The following UPP1 variants were observed in gnomAD, a reference collection of about 807,000 sequenced individuals.
UPP1 encodes uridine phosphorylase 1.
Under a neutral mutation model 29.6 loss-of-function variants are expected in UPP1, and 25 were observed. The ratio of observed to expected loss-of-function variants is 0.85; its 90% CI spans 0.62 to 1.18. UPP1 has a LOEUF of 1.18. UPP1 is among the 50% of genes most tolerant of loss of function. UPP1 has a pLI of 0.00. For synonymous variants in UPP1, 165 were observed against 159.8 expected, an observed-to-expected ratio of 1.03 and a Z score of -0.25; for missense variants, 368 against 410.4, an observed-to-expected ratio of 0.90 and a Z score of 0.89.
At chr7:48,101,167 A>G (rs2128813240) in intron 4 of UPP1, among the ~76,000 whole-genome samples, 1 of 152,332 alleles carries the variant, frequency 6.6e-6, no homozygotes, top group Non-Finnish European at 1.5e-5. Context: ...CCACTCCCAA[A>G]GTGCTGGGAT....
intron 4 of UPP1, among the ~76,000 whole-genome samples, chr7:48,101,197 G>GCC (rs1374489280): frequency 2.0e-5 from 3 of 152,094 alleles, no homozygotes; most frequent in African/African-American, 7.2e-5. Context: ...GAGCCACTGT[G>GCC]CCCAGCCATC....
chr7:48,108,453 A>G lies in UPP1; in HGVS notation c.*96A>G. On this transcript the variant is annotated 3_prime_UTR_variant, in exon 9 of 9. Coordinates refer to ENST00000395564, the MANE Select transcript of UPP1 (RefSeq NM_003364.4). ...TGTGTGGACTTTGAGCACACTTTAC[A>G]CAAGAATCTAGAAAATCAGATCGCG... 2.2e-6 allele frequency: 3 copies of G among 1,390,892 alleles called. No homozygotes were observed. The highest frequency in any genetic ancestry group is 2.9e-6 in the Non-Finnish European group (3 of 1,036,824). The allele number at this position is 1,390,892 out of a possible 1,614,324, so 86.2% of individuals were successfully genotyped here. A position where few individuals can be genotyped will look rare whatever the true frequency, so the allele number is the denominator to read the frequency against.
chr7:48,091,321 C>G (rs1791821287), intron 2 of UPP1, among the ~76,000 whole-genome samples: 1 of 143,966 alleles, frequency 6.9e-6, no homozygotes, highest in African/African-American at 2.6e-5. Flanking sequence ...ATGGATCTGG[C>G]TGGTAATAGG....
At chr7:48,098,649 G>T (rs116715906) in intron 3 of UPP1, among the ~76,000 whole-genome samples, 1 of 152,152 alleles carries the variant, frequency 6.6e-6, no homozygotes, top group Non-Finnish European at 1.5e-5. Context: ...CCTCTCTTGT[G>T]TCTTTTTCTT....
chr7:48,094,976 T>G (rs756293115), intron 3 of UPP1, 149 bp downstream of exon 3: 2 of 1,002,742 alleles, frequency 2.0e-6, no homozygotes, highest in Non-Finnish European at 2.9e-6. Context: ...GATTAATGAC[T>G]CAGGAGGTTC....
At chr7:48,092,929 C>T (rs1791922814) in intron 2 of UPP1, among the ~76,000 whole-genome samples, 1 of 152,120 alleles carries the variant, frequency 6.6e-6, no homozygotes, top group Non-Finnish European at 1.5e-5. Flanking sequence ...GTCTTGAACT[C>T]CTGACCTCAA....
chr7:48,108,475 C>T lies in UPP1; in HGVS notation c.*118C>T, dbSNP rs1017390984. ...TACACAAGAATCTAGAAAATCAGAT[C>T]GCGATTAAGAGACAGAGAATCTTGG... On this transcript the variant is annotated 3_prime_UTR_variant, in exon 9 of 9. Transcript: ENST00000395564. 2.5e-5 allele frequency: 31 copies of T among 1,242,622 alleles called. No homozygotes were observed. The highest frequency in any genetic ancestry group is 1.2e-4 in the Admixed American group (4 of 34,498). The allele number at this position is 1,242,622 out of a possible 1,614,324, so 77.0% of individuals were successfully genotyped here. A position where few individuals can be genotyped will look rare whatever the true frequency, so the allele number is the denominator to read the frequency against.
At chr7:48,092,158 T>G (rs1562647398) in intron 2 of UPP1, among the ~76,000 whole-genome samples, 2 of 151,924 alleles carry the variant, frequency 1.3e-5, no homozygotes, top group Admixed American at 6.6e-5. Flanking sequence ...AAGACAAAAA[T>G]AGCAGCCTGG....
chr7:48,103,861 A>C lies in UPP1; in HGVS notation c.436+450A>C, dbSNP rs1022227168. 4.7e-6 allele frequency: 6 copies of C among 1,289,216 alleles called. No homozygotes were observed. In the Admixed American group the frequency reaches 6.9e-5, roughly 15 times the overall value. 79.9% of individuals were successfully genotyped at this position (1,289,216 alleles called of 1,614,324 possible). A position where few individuals can be genotyped will look rare whatever the true frequency, so the allele number is the denominator to read the frequency against. On this transcript the variant is annotated intron_variant, in intron 6 of 8. Coordinates refer to ENST00000395564, the MANE Select transcript of UPP1 (RefSeq NM_003364.4). The stretch of plus-strand genomic sequence containing the variant: ...AGAGGCGCAGTACAAAACTCAGATA[A>C]GTGTCCTTAAATTAGCTTAAAATGT...
upstream of UPP1, chr7:48,088,950 GCT>G (rs1445864211): frequency 6.6e-6 from 1 of 152,422 alleles, no homozygotes; most frequent in Non-Finnish European, 1.5e-5. Context: ...TGTAGTAGGG[GCT>G]GTTTAATGAG....
intron 2 of UPP1, among the ~76,000 whole-genome samples, chr7:48,092,693 C>A (rs1470440209): frequency 2.0e-5 from 3 of 151,526 alleles, no homozygotes; most frequent in African/African-American, 7.3e-5. Context: ...AGAGTGAGAC[C>A]CTGTTTGTTT....
intron 1 of UPP1, 83 bp downstream of exon 1, chr7:48,089,501 A>C (rs1294898572): frequency 2.6e-5 from 4 of 152,096 alleles, no homozygotes; most frequent in Non-Finnish European, 4.4e-5. Context: ...GTGCCCATTT[A>C]CCTGTAGGGG....
intron 6 of UPP1, 26 bp from the exon 7 acceptor site, chr7:48,106,847 A>G: frequency 6.2e-7 from 1 of 1,611,936 alleles, no homozygotes; most frequent in Non-Finnish European, 8.5e-7. Context: ...CACCCTGCAT[A>G]TCTTGATGTC....
chr7:48,106,975 C>T lies in UPP1; in HGVS notation c.539C>T (p.Thr180Met), dbSNP rs199681239. The change falls in exon 7 of 9, where the codon ACG becomes ATG. Residue 180 changes from threonine to methionine, a missense_variant. Thr to Met is a moderately conservative substitution (Grantham distance 81). Transcript: ENST00000395564. Reference protein sequence around the residue: ...IVLGKRVIRKTDLNKKLVQEL... With the variant: ...IVLGKRVIRKMDLNKKLVQEL... ...CTGGGGAAGCGGGTCATCCGGAAAACGGACCTTAACAAGAAGCTGGTGCAG... is the reference window on the plus strand; with the variant it reads ...CTGGGGAAGCGGGTCATCCGGAAAATGGACCTTAACAAGAAGCTGGTGCAG... The T allele has an allele frequency of 1.4e-4, 222 of 1,613,164 alleles. No homozygotes were observed. The highest frequency in any genetic ancestry group is 1.5e-4 in the Non-Finnish European group (180 of 1,179,994).
chr7:48,103,628 G>A lies in UPP1; in HGVS notation c.436+217G>A, dbSNP rs535837574. 2.0e-5 allele frequency among the ~76,000 whole-genome samples: 3 copies of A among 152,178 alleles called. No individual in the cohort carries two copies. In the East Asian group the frequency reaches 5.8e-4, roughly 29 times the overall value. On this transcript the variant is annotated intron_variant, in intron 6 of 8. Coordinates refer to ENST00000395564, the MANE Select transcript of UPP1 (RefSeq NM_003364.4). ...CACCCCAGAGCTAGGCAGTAGAAGGGCACCACACCATGCATATGGGGGAAA... is the reference window on the plus strand; with the variant it reads ...CACCCCAGAGCTAGGCAGTAGAAGGACACCACACCATGCATATGGGGGAAA...
intron 6 of UPP1, 128 bp downstream of exon 6, chr7:48,103,539 G>C (rs908242437): frequency 1.1e-6 from 1 of 937,062 alleles, no homozygotes; most frequent in Non-Finnish European, 1.7e-6. Context: ...AGGGAAGCTT[G>C]TTAACAGGAG....
chr7:48,089,983 C>A (rs78112151), intron 1 of UPP1, among the ~76,000 whole-genome samples: 1,618 of 152,324 alleles, frequency 0.011, 26 homozygotes, highest in African/African-American at 0.036. Flanking sequence ...ATGATTGTTA[C>A]GCGAGCTTTC....
chr7:48,098,102 C>T (rs1306070172), intron 3 of UPP1, among the ~76,000 whole-genome samples: 2 of 152,136 alleles, frequency 1.3e-5, no homozygotes, highest in Non-Finnish European at 2.9e-5. Flanking sequence ...CCTGCCTGCC[C>T]ATACAGGAGA....
intron 2 of UPP1, among the ~76,000 whole-genome samples, chr7:48,094,529 A>C (rs959274518): frequency 6.6e-6 from 1 of 152,134 alleles, no homozygotes; most frequent in Non-Finnish European, 1.5e-5. Flanking sequence ...GTGCCTGTCC[A>C]CTTAGGCTTT....
Sources: gnomAD v4.1 joint callset for allele counts (sites outside exome capture counted in the v4.1 genomes callset) on GRCh38, gnomAD v4.1.1 for gene constraint, MANE v1.5 for transcripts, NCBI Gene and HGNC (gene_info 2026-07-23, HGNC 2026-07-21) for gene names.